Variants in PRKCE observed in about 807,000 individuals in gnomAD.
The protein encoded by PRKCE is protein kinase C epsilon type.
In PRKCE, 16 loss-of-function variants were observed where a neutral mutation model predicts 85.4. The ratio of observed to expected loss-of-function variants is 0.19; its 90% CI spans 0.13 to 0.28. PRKCE has a LOEUF of 0.28. Among genes scored for constraint, PRKCE ranks in the 10% least tolerant of loss-of-function variants. The pLI is 1.00. For missense variants in PRKCE, 573 were observed against 975.2 expected, an observed-to-expected ratio of 0.59 and a Z score of 5.49; for synonymous variants, 388 against 371.5, an observed-to-expected ratio of 1.04 and a Z score of -0.51.
At chr2:46,021,974 T>C (rs1159169550) in intron 10 of PRKCE, among the ~76,000 whole-genome samples, 2 of 152,146 alleles carry the variant, frequency 1.3e-5, no homozygotes, top group Non-Finnish European at 2.9e-5. Flanking sequence ...AGCAATGGGC[T>C]TTCCCCATAT....
At chr2:46,103,058 T>C (rs1671385577) in intron 11 of PRKCE, among the ~76,000 whole-genome samples, 1 of 152,254 alleles carries the variant, frequency 6.6e-6, no homozygotes, top group South Asian at 2.1e-4. Flanking sequence ...CTTCCACCCA[T>C]GTGCATTGTC....
intron 2 of PRKCE, among the ~76,000 whole-genome samples, chr2:45,930,886 T>C (rs1698995123): frequency 6.6e-6 from 1 of 152,126 alleles, no homozygotes; most frequent in African/African-American, 2.4e-5. Flanking sequence ...ATAAAAGCAG[T>C]CAGATTCTTC....
chr2:46,011,074 A>C, intron 10 of PRKCE: 1 of 565,024 alleles, frequency 1.8e-6, no homozygotes, highest in Non-Finnish European at 2.6e-6. Flanking sequence ...CCATAACTCC[A>C]TGGTAGAGTC....
At chr2:45,864,157 T>C (rs1693395651) in intron 2 of PRKCE, among the ~76,000 whole-genome samples, 3 of 152,202 alleles carry the variant, frequency 2.0e-5, no homozygotes, top group Admixed American at 2.0e-4. Flanking sequence ...AGCGTCATTC[T>C]GCTCTCTCTG....
chr2:45,850,413 A>T (rs1043418939), intron 2 of PRKCE, among the ~76,000 whole-genome samples: 1 of 152,202 alleles, frequency 6.6e-6, no homozygotes, highest in African/African-American at 2.4e-5. Flanking sequence ...CCTATAAAGA[A>T]GATTGTTTCT....
At chr2:45,661,134 C>G (rs895091384) in intron 1 of PRKCE, among the ~76,000 whole-genome samples, 1 of 152,206 alleles carries the variant, frequency 6.6e-6, no homozygotes, top group African/African-American at 2.4e-5. Flanking sequence ...ACTCACTGAG[C>G]TCCTGACCCC....
intron 2 of PRKCE, among the ~76,000 whole-genome samples, chr2:45,872,704 G>A (rs554541013): frequency 8.5e-4 from 129 of 152,306 alleles, no homozygotes; most frequent in Non-Finnish European, 1.6e-3. Context: ...ATGGCTCCAA[G>A]GTATTTGTTC....
chr2:45,927,169 A>G (rs1006902118), intron 2 of PRKCE, among the ~76,000 whole-genome samples: 11 of 152,076 alleles, frequency 7.2e-5, no homozygotes, highest in Non-Finnish European at 1.5e-4. Flanking sequence ...GATGGTAAGA[A>G]GTATAGAATG....
chr2:45,875,285 T>C (rs1447686536), intron 2 of PRKCE, among the ~76,000 whole-genome samples: 2 of 152,220 alleles, frequency 1.3e-5, no homozygotes, highest in Non-Finnish European at 2.9e-5. Flanking sequence ...ATGTTAATGG[T>C]AAAACTTCCA....
At chr2:45,992,391 TTCTGGTGATGACA>T (rs1703873996) in intron 6 of PRKCE, among the ~76,000 whole-genome samples, 1 of 152,190 alleles carries the variant, frequency 6.6e-6, no homozygotes, top group Admixed American at 6.5e-5. Context: ...CAAAATCTCT[TTCTGGTGATGACA>T]TTTGGCCCAG....
intron 1 of PRKCE, among the ~76,000 whole-genome samples, chr2:45,709,465 C>A (rs562228782): frequency 1.3e-4 from 20 of 152,374 alleles, no homozygotes; most frequent in African/African-American, 4.8e-4. Flanking sequence ...CTTTCATTTG[C>A]AGCAGCTGGG....
intron 10 of PRKCE, among the ~76,000 whole-genome samples, chr2:46,027,919 C>G (rs1252700876): frequency 6.6e-6 from 1 of 152,090 alleles, no homozygotes; most frequent in Non-Finnish European, 1.5e-5. Context: ...GGGGGACCTC[C>G]CTCTTGAAGG....
Position 46,026,859 on chromosome 2 carries a change from T to C in PRKCE, c.1437+16342T>C, listed in dbSNP as rs142025851. Among the ~76,000 whole-genome samples, 388 of 152,238 alleles carry C rather than the reference T, an allele frequency of 2.5e-3. 1 individual carries two copies. The highest frequency in any genetic ancestry group is 8.7e-3 in the Admixed American group (133 of 15,294). On this transcript the variant is annotated intron_variant, in intron 10 of 14. Coordinates refer to ENST00000306156, the MANE Select transcript of PRKCE (RefSeq NM_005400.3). ...CCAAACAGGCGAGACTAAACAATAT[T>C]CTTAGGAGGAAACACATGGGTGATG... is the stretch of plus-strand genomic sequence containing the variant.
intron 3 of PRKCE, 118 bp from the exon 4 acceptor site, chr2:45,978,858 G>C (rs1702663409): frequency 1.3e-6 from 1 of 794,440 alleles, no homozygotes; most frequent in Non-Finnish European, 2.1e-6. Flanking sequence ...ACAATATTCT[G>C]CATACTTCAT....
chr2:45,800,687 C>T (rs545254222), intron 1 of PRKCE, among the ~76,000 whole-genome samples: 1 of 152,282 alleles, frequency 6.6e-6, no homozygotes, highest in South Asian at 2.1e-4. Flanking sequence ...GAGTTTCAAC[C>T]TATGGGGTTC....
chr2:45,850,104 C>T (rs749167532), intron 2 of PRKCE, among the ~76,000 whole-genome samples: 19 of 152,214 alleles, frequency 1.2e-4, no homozygotes, highest in Admixed American at 3.3e-4. Flanking sequence ...TGGTTAACAA[C>T]GCCAAATGCC....
At chr2:46,182,386 C>T (rs1558536996) in intron 14 of PRKCE, among the ~76,000 whole-genome samples, 1 of 152,206 alleles carries the variant, frequency 6.6e-6, no homozygotes, top group East Asian at 1.9e-4. Context: ...GCAGGGCCCT[C>T]CTTTTCCTCT....
intron 10 of PRKCE, among the ~76,000 whole-genome samples, chr2:46,055,597 T>C (rs1228074043): frequency 2.0e-5 from 3 of 152,252 alleles, no homozygotes; most frequent in African/African-American, 7.2e-5. Flanking sequence ...TGAGCCACCA[T>C]TGGCATTGGC....
chr2:45,889,580 G>C (rs1448791483), intron 2 of PRKCE, among the ~76,000 whole-genome samples: 1 of 151,910 alleles, frequency 6.6e-6, no homozygotes, highest in Non-Finnish European at 1.5e-5. Context: ...GGTGGGGTGG[G>C]GTGGGGGAAG....
Sources: allele counts gnomAD v4.1 joint callset (sites outside exome capture counted in the v4.1 genomes callset), GRCh38; gene constraint gnomAD v4.1.1; transcripts MANE v1.5; gene names NCBI Gene and HGNC (gene_info 2026-07-23, HGNC 2026-07-21).